CTDSPL: variants seen among roughly 807,000 people sequenced by gnomAD.
The protein encoded by CTDSPL is CTD small phosphatase like, also known as CTD small phosphatase-like protein.
Under a neutral mutation model 30.5 loss-of-function variants are expected in CTDSPL, and 8 were observed. That is an observed-to-expected ratio of 0.26 (90% CI 0.15 to 0.47). CTDSPL has a LOEUF of 0.47. CTDSPL is among the 20% of genes least tolerant of loss of function. The probability of loss-of-function intolerance (pLI) is 0.99; values close to 1 mark genes in which losing one functional copy is unlikely to be tolerated. For synonymous variants in CTDSPL, 110 were observed against 137.9 expected (o/e 0.80, Z 1.42); for missense variants, 248 against 366.1 (o/e 0.68, Z 2.63).
At chr3:37,866,679 A>G (rs945194518) in intron 1 of CTDSPL, among the ~76,000 whole-genome samples, 2 of 152,234 alleles carry the variant, frequency 1.3e-5, no homozygotes, top group Non-Finnish European at 1.5e-5. Flanking sequence ...TGTGTCCTTG[A>G]TGAGATTTCT....
chr3:37,898,369 T>C (rs1698411822), intron 1 of CTDSPL, among the ~76,000 whole-genome samples: 1 of 152,358 alleles, frequency 6.6e-6, no homozygotes, highest in Non-Finnish European at 1.5e-5. Flanking sequence ...TTCTGGCTGT[T>C]AGCAGACAGC....
chr3:37,962,026 A>G (rs547034471), intron 3 of CTDSPL, among the ~76,000 whole-genome samples: 5 of 152,278 alleles, frequency 3.3e-5, no homozygotes, highest in South Asian at 2.1e-4. Flanking sequence ...CCCCCCGGCA[A>G]TGCTCTTTGT....
chr3:37,967,296 AG>A (rs1224557660), intron 4 of CTDSPL, among the ~76,000 whole-genome samples: 8 of 152,344 alleles, frequency 5.3e-5, no homozygotes, highest in Admixed American at 1.3e-4. Flanking sequence ...AGCCTGCCCA[AG>A]GGTGTGGCCT....
intron 1 of CTDSPL, among the ~76,000 whole-genome samples, chr3:37,885,375 G>C (rs1698251652): frequency 6.6e-6 from 1 of 152,186 alleles, no homozygotes; most frequent in Admixed American, 6.5e-5. Flanking sequence ...AAGTTTCAGT[G>C]TTCTTCCTCA....
At chr3:37,969,145 A>T (rs1276413263) in intron 5 of CTDSPL, among the ~76,000 whole-genome samples, 1 of 152,268 alleles carries the variant, frequency 6.6e-6, no homozygotes, top group African/African-American at 2.4e-5. Flanking sequence ...CTTGTGTTAC[A>T]TAGTGCTCAT....
chr3:37,885,520 G>A (rs886764315), intron 1 of CTDSPL, among the ~76,000 whole-genome samples: 1 of 152,152 alleles, frequency 6.6e-6, no homozygotes, highest in Non-Finnish European at 1.5e-5. Context: ...ACCTAGTAGT[G>A]TCGTGGTGTG....
intron 1 of CTDSPL, among the ~76,000 whole-genome samples, chr3:37,910,999 A>G (rs921250720): frequency 6.6e-6 from 1 of 152,224 alleles, no homozygotes; most frequent in Admixed American, 6.5e-5. Context: ...ATGACTGTAA[A>G]TGGATTTGCT....
intron 6 of CTDSPL, among the ~76,000 whole-genome samples, chr3:37,971,845 A>C (rs1439199663): frequency 6.6e-6 from 1 of 152,202 alleles, no homozygotes; most frequent in Non-Finnish European, 1.5e-5. Flanking sequence ...CAACTGCTAG[A>C]GGCCCCTGTG....
chr3:37,971,070 AAC>A (rs1236904406), intron 5 of CTDSPL, among the ~76,000 whole-genome samples: 1 of 152,228 alleles, frequency 6.6e-6, no homozygotes, highest in Non-Finnish European at 1.5e-5. Context: ...GGTGCCAAGA[AAC>A]ACACGTGAAA....
At chr3:37,893,219 T>C (rs959061550) in intron 1 of CTDSPL, among the ~76,000 whole-genome samples, 1 of 152,192 alleles carries the variant, frequency 6.6e-6, no homozygotes, top group Non-Finnish European at 1.5e-5. Flanking sequence ...TTAATAACTG[T>C]GTTTGGCAAT....
At chr3:37,964,886 C>CCAA (rs2125630800) in intron 4 of CTDSPL, among the ~76,000 whole-genome samples, 1 of 152,308 alleles carries the variant, frequency 6.6e-6, no homozygotes, top group East Asian at 1.9e-4. Context: ...CACTAAGCTA[C>CCAA]CAACATCACT....
chr3:37,900,744 A>G (rs1394022444), intron 1 of CTDSPL, among the ~76,000 whole-genome samples: 1 of 152,130 alleles, frequency 6.6e-6, no homozygotes, highest in Non-Finnish European at 1.5e-5. Flanking sequence ...TTAAGGTACC[A>G]TGAGAATTTT....
intron 1 of CTDSPL, among the ~76,000 whole-genome samples, chr3:37,880,663 T>C (rs1055696718): frequency 1.3e-5 from 2 of 152,208 alleles, no homozygotes; most frequent in Non-Finnish European, 2.9e-5. Flanking sequence ...ATAGCATTTA[T>C]CTCTGAAATT....
chr3:37,976,465 C>A (rs768936507), intron 7 of CTDSPL, among the ~76,000 whole-genome samples: 1 of 151,956 alleles, frequency 6.6e-6, no homozygotes, highest in South Asian at 2.1e-4. Flanking sequence ...AACCCTGTCT[C>A]TACTAAATAC....
At chr3:37,897,874 G>A (rs1698406410) in intron 1 of CTDSPL, among the ~76,000 whole-genome samples, 1 of 152,196 alleles carries the variant, frequency 6.6e-6, no homozygotes, top group Admixed American at 6.5e-5. Flanking sequence ...GCCGTTGTGT[G>A]TGATAACTGG....
intron 1 of CTDSPL, among the ~76,000 whole-genome samples, chr3:37,882,422 A>T (rs943136302): frequency 1.4e-5 from 2 of 146,270 alleles, no homozygotes; most frequent in African/African-American, 5.1e-5. Flanking sequence ...AGCCTGGGTG[A>T]CAGAGCAAGA....
intron 5 of CTDSPL, among the ~76,000 whole-genome samples, chr3:37,969,244 G>A (rs750620452): frequency 2.6e-5 from 4 of 152,220 alleles, no homozygotes; most frequent in Non-Finnish European, 5.9e-5. Context: ...AGCATGACTG[G>A]CCTGCCCACT....
chr3:37,905,600 CT>C lies in CTDSPL; in HGVS notation c.80-41456del, dbSNP rs1698506364. On this transcript the variant is annotated intron_variant, in intron 1 of 7. Transcript: ENST00000273179. ...GAGCTAGGCTTCCTTCCCCCCCTCC[CT>C]CCTTGTGCCACAGCTGGGCACTGCA... Among the ~76,000 whole-genome samples, 3 of 152,298 alleles carry C rather than the reference CT, an allele frequency of 2.0e-5. No homozygotes were observed. In the South Asian group the frequency reaches 6.2e-4, roughly 32 times the overall value.
intron 1 of CTDSPL, among the ~76,000 whole-genome samples, chr3:37,932,513 GT>G (rs1698866180): frequency 6.6e-6 from 1 of 152,196 alleles, no homozygotes; most frequent in South Asian, 2.1e-4. Context: ...GGCAAAAAAA[GT>G]ATATAAGCAG....
Sources: gnomAD v4.1 joint callset for allele counts (sites outside exome capture counted in the v4.1 genomes callset) on GRCh38, gnomAD v4.1.1 for gene constraint, MANE v1.5 for transcripts, NCBI Gene and HGNC (gene_info 2026-07-23, HGNC 2026-07-21) for gene names.